The following ADCY10 variants were observed in gnomAD, a reference collection of about 807,000 sequenced individuals.
ADCY10 encodes adenylate cyclase type 10.
In ADCY10, 156 loss-of-function variants were observed where a neutral mutation model predicts 183.3. The observed-to-expected ratio is 0.85, with a 90% confidence interval of 0.75 to 0.97. ADCY10 has a LOEUF of 0.97. Among genes scored for constraint, ADCY10 ranks in the 50% least tolerant of loss-of-function variants. ADCY10 has a pLI of 0.00. For synonymous variants in ADCY10, 645 were observed against 670.0 expected, an observed-to-expected ratio of 0.96 and a Z score of 0.58; for missense variants, 1,745 against 1,934.3, an observed-to-expected ratio of 0.90 and a Z score of 1.84.
chr1:167,908,522 T>G (rs369291453), intron 1 of ADCY10, among the ~76,000 whole-genome samples: 3 of 152,150 alleles, frequency 2.0e-5, no homozygotes, highest in East Asian at 3.8e-4. Context: ...ATTATATACT[T>G]CAAAATGGCT....
chr1:167,858,685 C>T (rs544752995), intron 16 of ADCY10, among the ~76,000 whole-genome samples: 1 of 152,130 alleles, frequency 6.6e-6, no homozygotes, highest in Non-Finnish European at 1.5e-5. Context: ...TGGGGAAGTT[C>T]TCACCAAAGA....
chr1:167,870,350 C>G lies in ADCY10; in HGVS notation c.1523G>C (p.Ser508Thr). ...YTMKKFLISNSSQVLMYEGLP... is the reference protein window; with the variant it reads ...YTMKKFLISNTSQVLMYEGLP... The stretch of plus-strand genomic sequence containing the variant: ...TCCCTCATACATTAAGACTTGGCTG[C>G]TGTTAGATATCAAAAATTTCTTCAT... The change falls in exon 14 of 33, where the codon AGC (serine) becomes ACC (threonine). Residue 508 changes from serine (S) to threonine (T), a missense_variant. By Grantham distance (58) the Ser-to-Thr change is moderately conservative. Coordinates refer to ENST00000367851, the MANE Select transcript of ADCY10 (RefSeq NM_018417.6). 6.2e-7 allele frequency: 1 copy of G among 1,613,570 alleles called. No homozygotes were observed. Among genetic ancestry groups the G allele is most frequent in the Non-Finnish European group, 8.5e-7 (1 of 1,179,614 alleles).
In ADCY10 at chr1:167,895,605, A is replaced by G. The variant is rs548174933; in HGVS notation, c.739+990T>C. On this transcript the variant is annotated intron_variant, in intron 7 of 32. Transcript: ENST00000367851. Reference sequence around the variant, plus strand: ...ATTTGACATCCAGTGGAAGTCGCCCATAGGTAGGGTATTTTGTTTGTTTTT... The same window carrying G: ...ATTTGACATCCAGTGGAAGTCGCCCGTAGGTAGGGTATTTTGTTTGTTTTT... Among the ~76,000 whole-genome samples, 5 of 152,318 alleles carry G rather than the reference A, an allele frequency of 3.3e-5. No homozygotes were observed. The South Asian group carries it at 1.0e-3, about 32-fold the overall frequency.
At position 167,822,077 on chromosome 1, in the gene ADCY10, G is replaced by A. The variant is rs763534282; in HGVS notation, c.4233C>T (p.Ile1411=). Residue 1411 remains isoleucine (I), a synonymous_variant, in exon 30 of 33, where the codon ATC becomes ATT. Coordinates refer to ENST00000367851, the MANE Select transcript of ADCY10 (RefSeq NM_018417.6). ...GGAGGAGTCCACTGTGGAACTTGAG[G>A]ATTCTGTTGTTTTCGTATTGGTGTA... ...EFIHQYENNR[I]LKFHSGLLLG... is the part of the protein sequence containing the mutation. 5.0e-6 allele frequency: 8 copies of A among 1,610,780 alleles called. No homozygotes were observed. In the South Asian group the frequency reaches 8.8e-5, roughly 18 times the overall value.
At chr1:167,827,271 C>T (rs933657710) in intron 26 of ADCY10, among the ~76,000 whole-genome samples, 4 of 151,400 alleles carry the variant, frequency 2.6e-5, no homozygotes, top group African/African-American at 9.7e-5. Flanking sequence ...GGGTTCACAC[C>T]ATTCTCCTGC....
chr1:167,829,154 A>G (rs1663527757), intron 26 of ADCY10, 113 bp downstream of exon 26: 6 of 1,292,186 alleles, frequency 4.6e-6, no homozygotes, highest in Non-Finnish European at 1.1e-6. Flanking sequence ...AGCCAATCAG[A>G]AAGCCTTCTA....
At chr1:167,871,538 T>C (rs147668417) in intron 13 of ADCY10, among the ~76,000 whole-genome samples, 217 of 152,328 alleles carry the variant, frequency 1.4e-3, no homozygotes, top group African/African-American at 5.1e-3. Context: ...GCTGTAAGAA[T>C]TGTAATTTCT....
intron 8 of ADCY10, among the ~76,000 whole-genome samples, chr1:167,889,485 G>A (rs1384420962): frequency 6.7e-6 from 1 of 148,294 alleles, no homozygotes; most frequent in African/African-American, 2.5e-5. Flanking sequence ...CTAGTATTTT[G>A]CTGAGGATTT....
intron 13 of ADCY10, among the ~76,000 whole-genome samples, chr1:167,873,874 T>C (rs1380972401): frequency 6.6e-6 from 1 of 152,206 alleles, no homozygotes; most frequent in Non-Finnish European, 1.5e-5. Flanking sequence ...TTCTGTTTAT[T>C]AAATGCATAA....
intron 21 of ADCY10, among the ~76,000 whole-genome samples, chr1:167,841,576 T>A (rs1664647149): frequency 7.1e-6 from 1 of 140,960 alleles, no homozygotes; most frequent in Admixed American, 7.5e-5. Flanking sequence ...AGGGTGAACA[T>A]GGCTTACTGC....
In ADCY10 at chr1:167,869,970, C is replaced by T. The variant is rs145944323; in HGVS notation, c.1616+287G>A. On this transcript the variant is annotated intron_variant, in intron 14 of 32. Transcript: ENST00000367851. ...CCAAATCTAGCCTTGATCTCAACAT[C>T]TATGCCAATTGTTCTCGATCTGTCT... 6.6e-5 allele frequency among the ~76,000 whole-genome samples: 10 copies of T among 152,328 alleles called. No homozygotes were observed. The East Asian group carries it at 1.9e-3, about 29-fold the overall frequency.
At chr1:167,840,225 C>T (rs1386129382) in intron 21 of ADCY10, among the ~76,000 whole-genome samples, 5 of 144,286 alleles carry the variant, frequency 3.5e-5, no homozygotes, top group Non-Finnish European at 7.6e-5. Flanking sequence ...GAGCAAGACC[C>T]TGTCTCAAAA....
chr1:167,863,069 G>A (rs1392717961), intron 14 of ADCY10, among the ~76,000 whole-genome samples: 2 of 152,152 alleles, frequency 1.3e-5, no homozygotes, highest in African/African-American at 4.8e-5. Context: ...GGACTAAATG[G>A]TTTGAACTAG....
At chr1:167,845,457 C>T (rs1435134664) in intron 21 of ADCY10, 106 bp downstream of exon 21, 7 of 1,192,854 alleles carry the variant, frequency 5.9e-6, no homozygotes, top group South Asian at 4.0e-5. Flanking sequence ...GTGCCCAAGC[C>T]GCTTATGAGA....
chr1:167,819,854 C>T (rs956041251), intron 30 of ADCY10: 2 of 739,358 alleles, frequency 2.7e-6, no homozygotes, highest in South Asian at 1.5e-5. Flanking sequence ...TGTCAGCCAC[C>T]GCGCCCGGCA....
intron 13 of ADCY10, among the ~76,000 whole-genome samples, chr1:167,873,158 T>A (rs561241564): frequency 5.9e-5 from 9 of 152,256 alleles, no homozygotes; most frequent in African/African-American, 2.2e-4. Flanking sequence ...AGGTTAGGAT[T>A]CTGTTGCTGT....
chr1:167,883,322 G>A (rs1667997986), intron 9 of ADCY10, 115 bp downstream of exon 9: 5 of 1,190,258 alleles, frequency 4.2e-6, no homozygotes, highest in Non-Finnish European at 6.2e-6. Context: ...ACAGGCGTGA[G>A]CCACCACGCC....
chr1:167,880,670 C>T (rs1667815206), intron 9 of ADCY10, 61 bp from the exon 10 acceptor site: 1 of 1,295,684 alleles, frequency 7.7e-7, no homozygotes, highest in African/African-American at 1.5e-5. Flanking sequence ...CTGGACTGGC[C>T]AGAAGGCTCA....
Position 167,902,032 on chromosome 1 carries a change from G to A in ADCY10, c.276C>T (p.Asp92=), listed in dbSNP as rs1402674921. The A allele has an allele frequency of 6.2e-7, 1 of 1,612,032 alleles. No individual in the cohort carries two copies. Among genetic ancestry groups the A allele is most frequent in the Non-Finnish European group, 8.5e-7 (1 of 1,179,718 alleles). ...IVEKVLIFGG[D]ILKFAGDALL... Reference sequence around the variant, plus strand: ...CCCCCATACCTGCAAATTTCAGGATGTCTCCTCCAAAAATCAACACTTCTG... The same window carrying A: ...CCCCCATACCTGCAAATTTCAGGATATCTCCTCCAAAAATCAACACTTCTG... Residue 92 remains aspartate, a synonymous_variant, in exon 4 of 33, where the codon GAC becomes GAT. Transcript: ENST00000367851.
Sources: gnomAD v4.1 joint callset for allele counts (sites outside exome capture counted in the v4.1 genomes callset) on GRCh38, gnomAD v4.1.1 for gene constraint, MANE v1.5 for transcripts, NCBI Gene and HGNC (gene_info 2026-07-23, HGNC 2026-07-21) for gene names.